WDR86: variants seen among roughly 807,000 people sequenced by gnomAD.
The protein encoded by WDR86 is WD repeat-containing protein 86.
WDR86 carries 30 observed loss-of-function variants against 36.5 expected under a neutral mutation model. The ratio of observed to expected loss-of-function variants is 0.82; its 90% CI spans 0.61 to 1.11. The LOEUF is 1.11. Among genes scored for constraint, WDR86 ranks in the 50% most tolerant of loss-of-function variants. WDR86 has a pLI of 0.00. For missense variants in WDR86, 545 were observed against 561.2 expected, an observed-to-expected ratio of 0.97 and a Z score of 0.29; for synonymous variants, 255 against 252.9, an observed-to-expected ratio of 1.01 and a Z score of -0.08.
At chr7:151,371,703 T>C (rs563455276), downstream of WDR86, among the ~76,000 whole-genome samples, 1 of 152,246 alleles carries the variant, frequency 6.6e-6, no homozygotes, top group East Asian at 1.9e-4. Context: ...AGTTCCAACG[T>C]TCTAGGTATG....
chr7:151,383,493 T>A (rs948578370), intron 4 of WDR86, among the ~76,000 whole-genome samples: 6 of 146,064 alleles, frequency 4.1e-5, no homozygotes, highest in Non-Finnish European at 6.0e-5. Context: ...AAAAAAAAAA[T>A]GTTTGTAGAG....
intron 3 of WDR86, among the ~76,000 whole-genome samples, chr7:151,391,577 G>C (rs974331255): frequency 1.3e-5 from 2 of 152,124 alleles, no homozygotes; most frequent in Non-Finnish European, 2.9e-5. Context: ...CTGCGCACCG[G>C]GTCTGGGGCC....
intron 4 of WDR86, 45 bp downstream of exon 4, chr7:151,385,043 A>G: frequency 6.5e-7 from 1 of 1,537,340 alleles, no homozygotes; most frequent in East Asian, 2.3e-5. Flanking sequence ...AGAGAGGAGA[A>G]GCCAGGCTGG....
At chr7:151,404,822 C>T (rs995895803) in intron 1 of WDR86, among the ~76,000 whole-genome samples, 2 of 152,248 alleles carry the variant, frequency 1.3e-5, no homozygotes, top group Non-Finnish European at 2.9e-5. Context: ...GCTTCCTCCC[C>T]CACCACCCCA....
rs1374283934 is a variant in WDR86 at position 151,381,488 on chromosome 7, G to C, written c.*94C>G. 8.2e-6 allele frequency: 12 copies of C among 1,464,070 alleles called. No individual in the cohort carries two copies. The highest frequency in any genetic ancestry group is 9.8e-6 in the Non-Finnish European group (11 of 1,117,312). 90.7% of individuals were successfully genotyped at this position (1,464,070 alleles called of 1,614,324 possible). ...CGGGCTTCCTCGCTCCTCGCCCCTC[G>C]CCGGCCATCGGGCGCCACCACCGCG... On this transcript the variant is annotated 3_prime_UTR_variant, in exon 6 of 6. Coordinates refer to ENST00000334493, the MANE Select transcript of WDR86 (RefSeq NM_198285.3). The surrounding 1 kb of genome is among the most constrained non-coding windows in gnomAD (Gnocchi z 4.8).
Position 151,381,850 on chromosome 7 carries a change from C to T in WDR86, c.966+28G>A. 1.3e-6 allele frequency: 2 copies of T among 1,581,864 alleles called. No homozygotes were observed. The highest frequency in any genetic ancestry group is 1.1e-5 in the South Asian group (1 of 87,258). ...GGGGCACCTTCCCTCCCACGGGCGG[C>T]GGCCCCGAGAAGGGCAGAGGGACCT... is the stretch of plus-strand genomic sequence containing the variant. On this transcript the variant is annotated intron_variant, in intron 5 of 5. Transcript: ENST00000334493. This position sits in a 1 kb window ranked among gnomAD's most constrained non-coding sequence, Gnocchi z 4.8.
In WDR86 at chr7:151,388,935, A is replaced by C. The variant is rs1479327724; in HGVS notation, c.727-3712T>G. Among the ~76,000 whole-genome samples the C allele has an allele frequency of 6.6e-6, 1 of 152,044 alleles. No individual in the cohort carries two copies. Among genetic ancestry groups the C allele is most frequent in the African/African-American group, 2.4e-5 (1 of 41,406 alleles). On this transcript the variant is annotated intron_variant, in intron 3 of 5. Transcript: ENST00000334493. The surrounding 1 kb of genome is among the most constrained non-coding windows in gnomAD (Gnocchi z 4.2). ...TGAGTTCCCTTTTATAAAAGGGCTT[A>C]AGGGAGCCTGTTTGTCCCTTCATCC...
rs78013070 is a variant in WDR86 at position 151,381,589 on chromosome 7, G to A, written c.1124C>T (p.Pro375Leu). 2.5e-3 allele frequency: 3,449 copies of A among 1,370,128 alleles called. 79 individuals are homozygous for A. In the African/African-American group the frequency reaches 0.047, roughly 19 times the overall value. 84.9% of individuals were successfully genotyped at this position (1,370,128 alleles called of 1,614,324 possible). ...TGCAGGGGCCCCGCGGGATCAGGCC[G>A]GCTGCAGGGGCGCGGCGGCGCAGCC... ...KVGCAAAPLQ[P>L]A The change falls in exon 6 of 6, where the codon CCG becomes CTG. Residue 375 changes from proline (P) to leucine (L), a missense_variant. Transcript: ENST00000334493. The surrounding 1 kb of genome is among the most constrained non-coding windows in gnomAD (Gnocchi z 4.8).
intron 4 of WDR86, among the ~76,000 whole-genome samples, chr7:151,382,427 A>G (rs571052864): frequency 2.0e-5 from 3 of 151,926 alleles, no homozygotes; most frequent in African/African-American, 7.2e-5. Flanking sequence ...CACCCCCGGG[A>G]CCCCTAGCGG....
downstream of WDR86, among the ~76,000 whole-genome samples, chr7:151,373,717 C>T (rs972893817): frequency 6.6e-6 from 1 of 152,252 alleles, no homozygotes; most frequent in African/African-American, 2.4e-5. Flanking sequence ...CAGAAGCTCT[C>T]CTACCCGGTT....
chr7:151,401,144 C>T lies in WDR86; in HGVS notation c.164-903G>A, dbSNP rs1246788273. Among the ~76,000 whole-genome samples the T allele has an allele frequency of 6.6e-6, 1 of 152,198 alleles. No individual in the cohort carries two copies. Among genetic ancestry groups the T allele is most frequent in the African/African-American group, 2.4e-5 (1 of 41,440 alleles). On this transcript the variant is annotated intron_variant, in intron 1 of 5. Transcript: ENST00000334493. This position sits in a 1 kb window ranked among gnomAD's most constrained non-coding sequence, Gnocchi z 4.3. The stretch of plus-strand genomic sequence containing the variant: ...CCTCCCTCCAGCCGGTCTTTGCTCT[C>T]TCATCCTCACAGGCAGCCTACCCTG...
In WDR86 at chr7:151,396,004, C is replaced by A; in HGVS notation, c.498G>T (p.Leu166=). The change falls in exon 3 of 6, where the codon CTG becomes CTT. Residue 166 remains leucine, a synonymous_variant. Coordinates refer to ENST00000334493, the MANE Select transcript of WDR86 (RefSeq NM_198285.3). Reference sequence around the variant, plus strand: ...CTGTGCCATCTGTGCTGCCGGTCACCAGAAGCCCCCCGGCCGCGGCCTCCT... The same window carrying A: ...CTGTGCCATCTGTGCTGCCGGTCACAAGAAGCCCCCCGGCCGCGGCCTCCT... ...CAEEAAAGGL[L]VTGSTDGTAK... 1 of 1,601,258 alleles carries A rather than the reference C, an allele frequency of 6.2e-7. No homozygotes were observed. The highest frequency in any genetic ancestry group is 2.3e-5 in the East Asian group (1 of 44,380).
At position 151,400,175 on chromosome 7, in the gene WDR86, C is replaced by A. The variant is rs1554424606; in HGVS notation, c.230G>T (p.Cys77Phe). Residue 77 changes from cysteine (C) to phenylalanine (F), a missense_variant, in exon 2 of 6, where the codon TGC becomes TTC. Cys to Phe is a radical substitution (Grantham distance 205, BLOSUM62 -2). Coordinates refer to ENST00000334493, the MANE Select transcript of WDR86 (RefSeq NM_198285.3). The stretch of plus-strand genomic sequence containing the variant: ...CAGCACGTCCCACCTCCTGATGGTG[C>A]AGTCGGCGCTGCATGTGAAGGCAGC... ...DEAAFTCSAD[C>F]TIRRWDVLTG... The A allele has an allele frequency of 2.5e-6, 4 of 1,612,068 alleles. No individual in the cohort carries two copies. In the South Asian group the frequency reaches 4.4e-5, roughly 18 times the overall value.
At chr7:151,402,090 T>TATATATATATA (rs1800384478) in intron 1 of WDR86, among the ~76,000 whole-genome samples, 1 of 121,218 alleles carries the variant, frequency 8.2e-6, no homozygotes, top group Non-Finnish European at 1.7e-5. Flanking sequence ...TATATATATA[T>TATATATATATA]ATCTCCACAA....
At chr7:151,398,474 T>C (rs1800044763) in intron 2 of WDR86, among the ~76,000 whole-genome samples, 1 of 128,932 alleles carries the variant, frequency 7.8e-6, no homozygotes, top group Non-Finnish European at 1.7e-5. Flanking sequence ...TGTGTATGTG[T>C]AAGGTGTGTA....
rs764590989 is a variant in WDR86 at position 151,381,463 on chromosome 7, C to A, written c.*119G>T. On this transcript the variant is annotated 3_prime_UTR_variant, in exon 6 of 6. Transcript: ENST00000334493. This position sits in a 1 kb window ranked among gnomAD's most constrained non-coding sequence, Gnocchi z 4.8. ...GCCTGCGACGGGCTCTCCTCCCGCC[C>A]GGGCTTCCTCGCTCCTCGCCCCTCG... 8.1e-6 allele frequency: 12 copies of A among 1,488,842 alleles called. No individual in the cohort carries two copies. In the South Asian group the frequency reaches 1.4e-4, roughly 17 times the overall value. The allele number at this position is 1,488,842 out of a possible 1,614,324, so 92.2% of individuals were successfully genotyped here. A position where few individuals can be genotyped will look rare whatever the true frequency, so the allele number is the denominator to read the frequency against.
In WDR86 at chr7:151,388,790, C is replaced by T. The variant is rs563529486; in HGVS notation, c.727-3567G>A. Among the ~76,000 whole-genome samples, 28 of 152,288 alleles carry T rather than the reference C, an allele frequency of 1.8e-4. No individual in the cohort carries two copies. Among genetic ancestry groups the T allele is most frequent in the African/African-American group, 4.3e-4 (18 of 41,556 alleles). On this transcript the variant is annotated intron_variant, in intron 3 of 5. Coordinates refer to ENST00000334493, the MANE Select transcript of WDR86 (RefSeq NM_198285.3). The surrounding 1 kb of genome is among the most constrained non-coding windows in gnomAD (Gnocchi z 4.2). ...TGGTCCCCAGGCTGACGGTCGGAGG[C>T]GGGGTATATGAAGCTATGGTCTGAG...
At chr7:151,369,880 T>A in the WDR86 span, among the ~76,000 whole-genome samples, 1 of 152,190 alleles carries the variant, frequency 6.6e-6, no homozygotes, top group South Asian at 2.1e-4. Flanking sequence ...GGTATTTGGA[T>A]GGGAGCAGGA....
intron 3 of WDR86, among the ~76,000 whole-genome samples, chr7:151,391,227 G>A (rs376744935): frequency 6.6e-6 from 1 of 152,244 alleles, no homozygotes; most frequent in Admixed American, 6.5e-5. Flanking sequence ...GGGGCCCAGC[G>A]AGGGCTAGGG....
Sources: allele counts gnomAD v4.1 joint callset (sites outside exome capture counted in the v4.1 genomes callset), GRCh38; gene constraint gnomAD v4.1.1; non-coding constraint Gnocchi (gnomAD v3.1); transcripts MANE v1.5; gene names NCBI Gene and HGNC (gene_info 2026-07-23, HGNC 2026-07-21).